KHDRBS2: variants seen among roughly 807,000 people sequenced by gnomAD.
KHDRBS2 encodes KH domain-containing, RNA-binding, signal transduction-associated protein 2.
Under a neutral mutation model 44.3 loss-of-function variants are expected in KHDRBS2, and 26 were observed. The ratio of observed to expected loss-of-function variants is 0.59; its 90% CI spans 0.43 to 0.81. The LOEUF is 0.81. Ranked by LOEUF, KHDRBS2 falls within the 40% of genes least tolerant of loss-of-function variation. KHDRBS2 has a pLI of 0.00. For synonymous variants in KHDRBS2, 194 were observed against 151.1 expected (o/e 1.28, Z -2.08); for missense variants, 476 against 433.1 (o/e 1.10, Z -0.88).
Position 61,732,746 on chromosome 6 carries a change from C to A in KHDRBS2, c.829G>T (p.Gly277Trp), listed in dbSNP as rs777832400. ...YEEYGYDDGY[G>W]GEYDDQTYET... Reference sequence around the variant, plus strand: ...TAGGTCTGGTCATCATATTCACCCCCGTAGCCATCATCATAACCCTGAGAC... The same window carrying A: ...TAGGTCTGGTCATCATATTCACCCCAGTAGCCATCATCATAACCCTGAGAC... The change falls in exon 7 of 9, where the codon GGG (glycine) becomes TGG (tryptophan). Residue 277 changes from glycine to tryptophan, a missense_variant. Gly to Trp is a radical substitution (Grantham distance 184). Coordinates refer to ENST00000281156, the MANE Select transcript of KHDRBS2 (RefSeq NM_152688.4). The A allele has an allele frequency of 5.6e-6, 9 of 1,607,516 alleles. No homozygotes were observed. The highest frequency in any genetic ancestry group is 5.1e-6 in the Non-Finnish European group (6 of 1,174,194).
chr6:61,746,564 C>T (rs889453824), intron 6 of KHDRBS2, among the ~76,000 whole-genome samples: 3 of 152,032 alleles, frequency 2.0e-5, no homozygotes, highest in African/African-American at 7.3e-5. Flanking sequence ...CATTGATGGG[C>T]ATTTGAGTTG....
chr6:61,906,745 A>G (rs1210829980), intron 4 of KHDRBS2, among the ~76,000 whole-genome samples: 1 of 152,204 alleles, frequency 6.6e-6, no homozygotes, highest in Non-Finnish European at 1.5e-5. Context: ...TTTTTATGGC[A>G]GAATAATATT....
the KHDRBS2 span, among the ~76,000 whole-genome samples, chr6:61,579,832 T>G: frequency 1.9e-3 from 205 of 105,130 alleles, 4 homozygotes; most frequent in African/African-American, 7.8e-3. Flanking sequence ...CCGAGGTGGG[T>G]GGATCGCCTG....
chr6:62,028,017 C>A (rs1405592881), intron 3 of KHDRBS2, among the ~76,000 whole-genome samples: 1 of 152,026 alleles, frequency 6.6e-6, no homozygotes, highest in African/African-American at 2.4e-5. Flanking sequence ...CAGGGACTTA[C>A]CACTTCTGAC....
chr6:62,075,198 C>T (rs559186081), intron 2 of KHDRBS2, among the ~76,000 whole-genome samples: 6 of 151,908 alleles, frequency 3.9e-5, no homozygotes, highest in Admixed American at 3.3e-4. Context: ...AGAAGTGAGG[C>T]CTTTGGGAGG....
chr6:62,064,950 C>T (rs1793181550), intron 2 of KHDRBS2, among the ~76,000 whole-genome samples: 1 of 151,690 alleles, frequency 6.6e-6, no homozygotes, highest in Non-Finnish European at 1.5e-5. Flanking sequence ...AAACAAACAA[C>T]CCCATCAAAA....
intron 1 of KHDRBS2, among the ~76,000 whole-genome samples, chr6:62,242,294 G>C (rs1187494989): frequency 6.6e-6 from 1 of 152,020 alleles, no homozygotes; most frequent in African/African-American, 2.4e-5. Context: ...CTTAAAATCA[G>C]GTTATTCATT....
At chr6:61,545,330 C>T in the KHDRBS2 span, among the ~76,000 whole-genome samples, 1 of 151,946 alleles carries the variant, frequency 6.6e-6, no homozygotes, top group Non-Finnish European at 1.5e-5. Context: ...CCATCATCCC[C>T]AGTTGCTTCT....
At chr6:61,868,089 C>G (rs1261143977) in intron 6 of KHDRBS2, among the ~76,000 whole-genome samples, 3 of 152,072 alleles carry the variant, frequency 2.0e-5, no homozygotes, top group African/African-American at 7.2e-5. Flanking sequence ...CAGCCCACCC[C>G]GACCCCCAAG....
the KHDRBS2 span, among the ~76,000 whole-genome samples, chr6:61,566,545 C>T: frequency 6.6e-6 from 1 of 152,180 alleles, no homozygotes; most frequent in East Asian, 1.9e-4. Context: ...ATGTAATCAC[C>T]ACACATAATG....
intron 1 of KHDRBS2, among the ~76,000 whole-genome samples, chr6:62,268,413 T>C (rs2150186514): frequency 6.6e-6 from 1 of 152,120 alleles, no homozygotes; most frequent in East Asian, 1.9e-4. Flanking sequence ...TTGGGCAATT[T>C]CAAGAAATTT....
At chr6:62,010,157 T>C (rs1020763221) in intron 3 of KHDRBS2, among the ~76,000 whole-genome samples, 1 of 152,112 alleles carries the variant, frequency 6.6e-6, no homozygotes, top group South Asian at 2.1e-4. Flanking sequence ...CAGGAACCTA[T>C]CTCTTGCAAC....
Position 61,848,503 on chromosome 6 carries a change from A to ATATG in KHDRBS2, c.810+46131_810+46132insCATA, listed in dbSNP as rs1562294025. On this transcript the variant is annotated intron_variant, in intron 6 of 8. Transcript: ENST00000281156. Reference sequence around the variant, plus strand: ...TATATATATATATGTATATATATATATATATATGTATATATGTATATATAT... The same window carrying ATATG: ...TATATATATATATGTATATATATATATATGTATATATGTATATATGTATATATAT... 1.5e-4 allele frequency among the ~76,000 whole-genome samples: 9 copies of ATATG among 59,088 alleles called. 3 individuals are homozygous for ATATG. Among genetic ancestry groups the ATATG allele is most frequent in the African/African-American group, 6.5e-4 (7 of 10,796 alleles). The allele number at this position is 59,088 out of a possible 152,430, so 38.8% of individuals were successfully genotyped here. A position where few individuals can be genotyped will look rare whatever the true frequency, so the allele number is the denominator to read the frequency against.
chr6:62,053,601 C>T (rs189112687), intron 2 of KHDRBS2, among the ~76,000 whole-genome samples: 53 of 151,906 alleles, frequency 3.5e-4, no homozygotes, highest in African/African-American at 1.2e-3. Context: ...CTCACATCAT[C>T]TGAAAAACAA....
the KHDRBS2 span, among the ~76,000 whole-genome samples, chr6:61,565,021 C>A: frequency 6.6e-6 from 1 of 151,906 alleles, no homozygotes; most frequent in Non-Finnish European, 1.5e-5. Flanking sequence ...CACAGATATA[C>A]AATAAATTCA....
At chr6:61,696,141 A>T (rs1767874018) in intron 8 of KHDRBS2, among the ~76,000 whole-genome samples, 1 of 152,046 alleles carries the variant, frequency 6.6e-6, no homozygotes, top group African/African-American at 2.4e-5. Context: ...ACCAATGCCA[A>T]GCAGCCTTGG....
At chr6:61,671,922 G>A in the KHDRBS2 span, among the ~76,000 whole-genome samples, 2 of 151,710 alleles carry the variant, frequency 1.3e-5, no homozygotes, top group Non-Finnish European at 2.9e-5. Flanking sequence ...ATGTATACAT[G>A]TGCCATGCTG....
At chr6:61,758,740 G>T (rs942624323) in intron 6 of KHDRBS2, among the ~76,000 whole-genome samples, 2 of 151,992 alleles carry the variant, frequency 1.3e-5, no homozygotes, top group African/African-American at 4.8e-5. Context: ...CCTATGGTTT[G>T]GTTTTCATAT....
the KHDRBS2 span, among the ~76,000 whole-genome samples, chr6:61,556,632 T>C: frequency 0.81 from 122,294 of 151,836 alleles, 49,731 homozygotes; most frequent in African/African-American, 0.91. Context: ...GCTTACAGCA[T>C]GGTGTTTTTC....
Sources: gnomAD v4.1 joint callset for allele counts (sites outside exome capture counted in the v4.1 genomes callset) on GRCh38, gnomAD v4.1.1 for gene constraint, MANE v1.5 for transcripts, NCBI Gene and HGNC (gene_info 2026-07-23, HGNC 2026-07-21) for gene names.